Variants in LRRC7 observed in about 807,000 individuals in gnomAD.
LRRC7 encodes leucine rich repeat containing 7, also known as leucine-rich repeat-containing protein 7.
LRRC7 carries 23 observed loss-of-function variants against 175.7 expected under a neutral mutation model. That is an observed-to-expected ratio of 0.13 (90% confidence interval 0.09 to 0.19). LRRC7 has a LOEUF of 0.19. Among genes scored for constraint, LRRC7 ranks in the 10% least tolerant of loss-of-function variants. The pLI is 1.00. For missense variants in LRRC7, 1,354 were observed against 1,904.7 expected, an observed-to-expected ratio of 0.71 and a Z score of 5.38; for synonymous variants, 685 against 680.9, an observed-to-expected ratio of 1.01 and a Z score of -0.09.
At chr1:69,609,274 G>T (rs75760049) in intron 1 of LRRC7, among the ~76,000 whole-genome samples, 1 of 151,814 alleles carries the variant, frequency 6.6e-6, no homozygotes, top group Admixed American at 6.6e-5. Flanking sequence ...TCATGTCTAC[G>T]TATTCATAAA....
chr1:69,606,367 A>T (rs1647569287), intron 1 of LRRC7, among the ~76,000 whole-genome samples: 1 of 152,118 alleles, frequency 6.6e-6, no homozygotes, highest in Non-Finnish European at 1.5e-5. Flanking sequence ...ACTTAGGATG[A>T]ACCCTCCTCT....
intron 23 of LRRC7, among the ~76,000 whole-genome samples, chr1:70,059,853 G>A (rs962142840): frequency 1.3e-5 from 2 of 151,910 alleles, no homozygotes; most frequent in Admixed American, 1.3e-4. Flanking sequence ...ATATAAGTCA[G>A]TCTATTATAA....
At chr1:69,875,411 CAAGT>C (rs1341969559) in intron 7 of LRRC7, among the ~76,000 whole-genome samples, 9 of 151,860 alleles carry the variant, frequency 5.9e-5, no homozygotes, top group Non-Finnish European at 1.2e-4. Flanking sequence ...AAGAAATTAA[CAAGT>C]AAGTGGAATA....
chr1:70,025,896 C>T (rs888119985), intron 17 of LRRC7, among the ~76,000 whole-genome samples: 3 of 151,582 alleles, frequency 2.0e-5, no homozygotes, highest in Non-Finnish European at 4.4e-5. Context: ...GGGTCCCTCA[C>T]AAGACTTTGG....
intron 13 of LRRC7, among the ~76,000 whole-genome samples, chr1:70,016,167 G>A (rs1033190815): frequency 2.0e-5 from 3 of 152,164 alleles, no homozygotes; most frequent in East Asian, 1.9e-4. Context: ...TTGTCCTGAC[G>A]GGACTGAGTC....
chr1:69,984,178 C>T (rs1653712984), intron 9 of LRRC7, among the ~76,000 whole-genome samples: 2 of 152,174 alleles, frequency 1.3e-5, no homozygotes, highest in Non-Finnish European at 2.9e-5. Flanking sequence ...CCCACCTTGG[C>T]CTCCCAAAGT....
rs1375925405 is a variant in LRRC7, at chr1:70,141,130, TAAC to T, written c.*19246_*19248del. 2.0e-5 allele frequency among the ~76,000 whole-genome samples: 3 copies of T among 152,050 alleles called. No individual in the cohort carries two copies. The highest frequency in any genetic ancestry group is 7.2e-5 in the African/African-American group (3 of 41,406). ...TTCTAAGCTCATAAAGAGGAAGAGA[TAAC>T]AAAAGATGTAGATAAGAGGACATTG... On this transcript the variant is annotated 3_prime_UTR_variant, in exon 27 of 27. Transcript: ENST00000651989.
intron 7 of LRRC7, among the ~76,000 whole-genome samples, chr1:69,853,134 A>G (rs1683172482): frequency 6.6e-6 from 1 of 152,088 alleles, no homozygotes. Context: ...AATAAATTAT[A>G]AATACTATGT....
chr1:69,696,492 A>T (rs1198940583), intron 2 of LRRC7, among the ~76,000 whole-genome samples: 1 of 152,044 alleles, frequency 6.6e-6, no homozygotes. Flanking sequence ...ATTAGTTAAG[A>T]CTTTTGAGGA....
chr1:69,589,363 T>G (rs962349751), intron 1 of LRRC7, among the ~76,000 whole-genome samples: 1 of 152,106 alleles, frequency 6.6e-6, no homozygotes, highest in Admixed American at 6.6e-5. Context: ...ATCTGAACTC[T>G]CCATCCTTTC....
intron 4 of LRRC7, among the ~76,000 whole-genome samples, chr1:69,815,956 AT>A (rs1678542583): frequency 4.3e-5 from 2 of 46,236 alleles, no homozygotes; most frequent in Admixed American, 3.3e-4. Flanking sequence ...ACCTTTATTT[AT>A]TTATTTATTT....
intron 2 of LRRC7, among the ~76,000 whole-genome samples, chr1:69,740,393 T>A (rs1459007011): frequency 6.6e-6 from 1 of 152,040 alleles, no homozygotes; most frequent in East Asian, 1.9e-4. Flanking sequence ...CCTTTCATAT[T>A]GGGGCCTCAA....
At chr1:69,878,733 G>A (rs1455752348) in intron 7 of LRRC7, among the ~76,000 whole-genome samples, 4 of 151,586 alleles carry the variant, frequency 2.6e-5, no homozygotes, top group African/African-American at 9.7e-5. Flanking sequence ...TGCAGCTAAT[G>A]GGATAAACAG....
rs1347831231 is a variant in LRRC7 at position 69,781,757 on chromosome 1, GAGAGAGAGAA to G, written c.304-10282_304-10273del. 1.1e-3 allele frequency among the ~76,000 whole-genome samples: 56 copies of G among 50,198 alleles called. 4 individuals are homozygous for G. Among genetic ancestry groups the G allele is most frequent in the African/African-American group, 1.7e-3 (14 of 8,132 alleles). The allele number at this position is 50,198 out of a possible 152,430, so 32.9% of individuals were successfully genotyped here. ...AAAGAGAGAGAGAGAGAGAGAGAGA[GAGAGAGAGAA>G]AGAAAGAAAGAAAGAAAGAAAGGAA... On this transcript the variant is annotated intron_variant, in intron 3 of 26. Transcript: ENST00000651989.
At chr1:69,845,276 A>G (rs1682221194) in intron 7 of LRRC7, among the ~76,000 whole-genome samples, 1 of 152,056 alleles carries the variant, frequency 6.6e-6, no homozygotes, top group Non-Finnish European at 1.5e-5. Context: ...AGGCTTAAAT[A>G]TGTGTAAAAA....
chr1:70,043,898 A>T (rs1345386186), intron 21 of LRRC7, 56 bp from the exon 22 acceptor site: 3 of 1,527,908 alleles, frequency 2.0e-6, no homozygotes. Flanking sequence ...CATGTAATTT[A>T]TCAGTTTGTT....
At chr1:69,685,787 G>A (rs887577941) in intron 2 of LRRC7, among the ~76,000 whole-genome samples, 1 of 151,772 alleles carries the variant, frequency 6.6e-6, no homozygotes, top group African/African-American at 2.4e-5. Flanking sequence ...AGGAGAAGGA[G>A]TATGGGACAG....
intron 7 of LRRC7, among the ~76,000 whole-genome samples, chr1:69,858,268 A>C (rs1286473983): frequency 6.6e-6 from 1 of 152,154 alleles, no homozygotes; most frequent in African/African-American, 2.4e-5. Context: ...AATGGGATCT[A>C]ATTAAACTAA....
At chr1:69,675,970 A>T (rs558256010) in intron 1 of LRRC7, among the ~76,000 whole-genome samples, 3 of 150,954 alleles carry the variant, frequency 2.0e-5, no homozygotes, top group Non-Finnish European at 4.4e-5. Flanking sequence ...ACAATTTCTT[A>T]TACTTTACAA....
Sources: allele counts gnomAD v4.1 joint callset (sites outside exome capture counted in the v4.1 genomes callset), GRCh38; gene constraint gnomAD v4.1.1; transcripts MANE v1.5; gene names NCBI Gene and HGNC (gene_info 2026-07-23, HGNC 2026-07-21).